The following PTPRD variants were observed in gnomAD, a reference collection of about 807,000 sequenced individuals.
PTPRD encodes receptor-type tyrosine-protein phosphatase delta.
A neutral mutation model predicts 214.5 loss-of-function variants in PTPRD; 34 were observed. The observed-to-expected ratio is 0.16, with a 90% confidence interval of 0.12 to 0.21. The LOEUF is 0.21. Among genes scored for constraint, PTPRD ranks in the 10% least tolerant of loss-of-function variants. The pLI, the probability that PTPRD is intolerant of heterozygous loss-of-function variation, is 1.00. For missense variants in PTPRD, 2,545 were observed against 2,398.7 expected, an observed-to-expected ratio of 1.06 and a Z score of -1.27; for synonymous variants, 1,128 against 845.7, an observed-to-expected ratio of 1.33 and a Z score of -5.79.
At chr9:10,118,427 T>G (rs962278931) in intron 3 of PTPRD, among the ~76,000 whole-genome samples, 4 of 151,342 alleles carry the variant, frequency 2.6e-5, no homozygotes, top group Admixed American at 6.6e-5. Context: ...GTTTAAAGAG[T>G]TGTCCTGGTG....
At chr9:10,262,840 T>C (rs1478854532) in intron 3 of PTPRD, among the ~76,000 whole-genome samples, 1 of 152,212 alleles carries the variant, frequency 6.6e-6, no homozygotes, top group Admixed American at 6.5e-5. Flanking sequence ...ATGGTTTGGC[T>C]GTCTCCTCAC....
chr9:10,334,067 A>G (rs2096798742), intron 3 of PTPRD, among the ~76,000 whole-genome samples: 1 of 151,758 alleles, frequency 6.6e-6, no homozygotes. Flanking sequence ...TATGGTTAGT[A>G]TATAAAATAT....
intron 7 of PTPRD, among the ~76,000 whole-genome samples, chr9:9,613,180 A>G (rs1213582669): frequency 1.5e-5 from 2 of 133,478 alleles, no homozygotes; most frequent in Admixed American, 7.7e-5. Context: ...ATATGATTGC[A>G]TCATATGAAG....
At chr9:8,411,059 T>A (rs868671709) in intron 35 of PTPRD, among the ~76,000 whole-genome samples, 160 of 152,154 alleles carry the variant, frequency 1.1e-3, no homozygotes, top group Middle Eastern at 3.4e-3. Context: ...GGATTAAAAA[T>A]GATGAAAAAC....
intron 11 of PTPRD, among the ~76,000 whole-genome samples, chr9:8,845,480 C>T (rs1043693529): frequency 6.6e-6 from 1 of 152,198 alleles, no homozygotes; most frequent in African/African-American, 2.4e-5. Flanking sequence ...AAATTTCTAA[C>T]AATAGGAAAT....
At chr9:10,283,581 G>C (rs1056952519) in intron 3 of PTPRD, among the ~76,000 whole-genome samples, 1 of 152,050 alleles carries the variant, frequency 6.6e-6, no homozygotes, top group Non-Finnish European at 1.5e-5. Context: ...GTTTCACTAT[G>C]GTATAATCAT....
intron 3 of PTPRD, among the ~76,000 whole-genome samples, chr9:10,092,093 C>T (rs1043112125): frequency 5.9e-5 from 9 of 151,314 alleles, no homozygotes; most frequent in African/African-American, 1.9e-4. Flanking sequence ...GTATTTTCTG[C>T]CAGAGTTCCA....
intron 36 of PTPRD, among the ~76,000 whole-genome samples, chr9:8,394,871 A>C (rs2090668143): frequency 6.6e-6 from 1 of 152,152 alleles, no homozygotes; most frequent in South Asian, 2.1e-4. Context: ...AAAAATAAAC[A>C]AAAAGCAAGA....
intron 4 of PTPRD, among the ~76,000 whole-genome samples, chr9:10,012,019 T>C (rs1488263342): frequency 6.6e-6 from 1 of 151,996 alleles, no homozygotes; most frequent in Non-Finnish European, 1.5e-5. Context: ...TCCTTCTTTT[T>C]CAATTATAAA....
Position 10,049,480 on chromosome 9 carries a change from T to C in PTPRD, c.-544-15690A>G, listed in dbSNP as rs73641832. ...TTCTATATGTGTGTAGAACACACTT[T>C]GCCATCTGTTCCTTTTTCCACTTCA... On this transcript the variant is annotated intron_variant, in intron 3 of 45. Coordinates refer to ENST00000381196, the MANE Select transcript of PTPRD (RefSeq NM_002839.4). Among the ~76,000 whole-genome samples the C allele has an allele frequency of 5.9e-3, 886 of 150,614 alleles. 11 individuals are homozygous for C. Among genetic ancestry groups the C allele is most frequent in the African/African-American group, 0.02 (815 of 41,066 alleles).
chr9:8,618,408 T>C (rs992282080), intron 14 of PTPRD, among the ~76,000 whole-genome samples: 1 of 152,078 alleles, frequency 6.6e-6, no homozygotes, highest in African/African-American at 2.4e-5. Context: ...ACAAAACTCA[T>C]GCTGGACTGT....
chr9:9,321,136 A>G (rs998924228), intron 9 of PTPRD, among the ~76,000 whole-genome samples: 1 of 152,204 alleles, frequency 6.6e-6, no homozygotes, highest in Non-Finnish European at 1.5e-5. Context: ...AAATCTACGT[A>G]TGAAATAAAG....
chr9:10,011,870 G>C (rs2154106885), intron 4 of PTPRD, among the ~76,000 whole-genome samples: 1 of 152,056 alleles, frequency 6.6e-6, no homozygotes, highest in African/African-American at 2.4e-5. Flanking sequence ...CCTCAGTTTT[G>C]GAGGTAAGGA....
chr9:9,179,539 T>C (rs562933729), intron 10 of PTPRD, among the ~76,000 whole-genome samples: 2 of 152,124 alleles, frequency 1.3e-5, no homozygotes, highest in South Asian at 4.1e-4. Context: ...ATCAACAGTA[T>C]TTTAAATACC....
intron 10 of PTPRD, among the ~76,000 whole-genome samples, chr9:9,176,409 A>G (rs2099924899): frequency 1.3e-5 from 2 of 152,076 alleles, no homozygotes; most frequent in African/African-American, 4.8e-5. Context: ...CTTTCTCCTA[A>G]TCTTCTTTTC....
At chr9:9,827,858 C>T (rs1337325316) in intron 5 of PTPRD, among the ~76,000 whole-genome samples, 2 of 152,152 alleles carry the variant, frequency 1.3e-5, no homozygotes, top group Non-Finnish European at 2.9e-5. Flanking sequence ...TGAACAGACA[C>T]TTGTCAACAG....
chr9:9,224,837 A>C (rs1360713610), intron 9 of PTPRD, among the ~76,000 whole-genome samples: 1 of 151,976 alleles, frequency 6.6e-6, no homozygotes, highest in African/African-American at 2.4e-5. Context: ...CATCTTTCAC[A>C]ATAAAAAGAT....
chr9:8,780,580 T>C (rs1396488090), intron 11 of PTPRD, among the ~76,000 whole-genome samples: 1 of 152,118 alleles, frequency 6.6e-6, no homozygotes, highest in Non-Finnish European at 1.5e-5. Flanking sequence ...GCCAAGGTGC[T>C]TTTATTCTCT....
At chr9:10,394,606 A>C (rs750392248) in intron 2 of PTPRD, among the ~76,000 whole-genome samples, 8 of 151,668 alleles carry the variant, frequency 5.3e-5, no homozygotes, top group Non-Finnish European at 1.2e-4. Flanking sequence ...CTATCCAAAC[A>C]CTCTTTAAGT....
Sources: gnomAD v4.1 joint callset for allele counts (sites outside exome capture counted in the v4.1 genomes callset) on GRCh38, gnomAD v4.1.1 for gene constraint, MANE v1.5 for transcripts, NCBI Gene and HGNC (gene_info 2026-07-23, HGNC 2026-07-21) for gene names.